EFR3B: variants seen among roughly 807,000 people sequenced by gnomAD.
EFR3B encodes EFR3 homolog B.
Under a neutral mutation model 104.7 loss-of-function variants are expected in EFR3B, and 64 were observed. The observed-to-expected ratio is 0.61, with a 90% CI of 0.50 to 0.75. The LOEUF is 0.75. EFR3B is among the 30% of genes least tolerant of loss of function. EFR3B has a pLI of 0.00. For missense variants in EFR3B, 750 were observed against 1,078.5 expected, an observed-to-expected ratio of 0.70 and a Z score of 4.27; for synonymous variants, 385 against 417.9, an observed-to-expected ratio of 0.92 and a Z score of 0.96.
chr2:25,074,157 T>C (rs7591273), intron 1 of EFR3B, among the ~76,000 whole-genome samples: 2,499 of 152,208 alleles, frequency 0.016, 66 homozygotes, highest in African/African-American at 0.057. Flanking sequence ...GGCTGGTTGG[T>C]CGCTCTAAGG....
Position 25,131,536 on chromosome 2 carries a change from G to A in EFR3B, c.985+33G>A, listed in dbSNP as rs893288801. The A allele has an allele frequency of 7.1e-6, 11 of 1,545,022 alleles. No individual in the cohort carries two copies. The highest frequency in any genetic ancestry group is 1.4e-5 in the African/African-American group (1 of 72,996). On this transcript the variant is annotated intron_variant, in intron 9 of 22. Transcript: ENST00000403714. This position sits in a 1 kb window ranked among gnomAD's most constrained non-coding sequence, Gnocchi z 7.6. ...GCATGGCTAGGGCCTGAGGGCCGGG[G>A]ACCCCGCGGAGGCTGCCGCCTCTTA...
Position 25,132,976 on chromosome 2 carries a change from G to A in EFR3B, c.1221G>A (p.Arg407=). 6.4e-7 allele frequency: 1 copy of A among 1,551,608 alleles called. No individual in the cohort carries two copies. The highest frequency in any genetic ancestry group is 8.7e-7 in the Non-Finnish European group (1 of 1,146,966). The change falls in exon 11 of 23, where the codon CGG becomes CGA. Residue 407 remains arginine (R), a synonymous_variant. Transcript: ENST00000403714. The part of the protein sequence containing the change: ...VILFIMSKVP[R]PSLHQAVDTG... ...TCTTCATCATGAGCAAGGTCCCGCG[G>A]CCATCCCTGCACCAGGCGGTGGACA...
At chr2:25,077,363 T>C (rs1668665124) in intron 1 of EFR3B, among the ~76,000 whole-genome samples, 1 of 152,184 alleles carries the variant, frequency 6.6e-6, no homozygotes, top group South Asian at 2.1e-4. Flanking sequence ...TCTCAGCTCA[T>C]TGCAACCTCT....
chr2:25,082,546 C>T (rs539113393), intron 1 of EFR3B, among the ~76,000 whole-genome samples: 5 of 152,338 alleles, frequency 3.3e-5, no homozygotes, highest in Admixed American at 6.5e-5. Flanking sequence ...CTTGCAAACA[C>T]CCAGAGATCT....
intron 19 of EFR3B, among the ~76,000 whole-genome samples, chr2:25,148,457 G>A (rs1171100823): frequency 2.6e-5 from 4 of 151,500 alleles, no homozygotes; most frequent in South Asian, 4.2e-4. Flanking sequence ...GTTTCACCAC[G>A]TTGACCAGGC....
chr2:25,154,390 A>T lies in EFR3B; in HGVS notation c.*50A>T. The T allele has an allele frequency of 1.4e-6, 2 of 1,474,864 alleles. No individual in the cohort carries two copies. Among genetic ancestry groups the T allele is most frequent in the Non-Finnish European group, 1.9e-6 (2 of 1,078,236 alleles). 91.4% of individuals were successfully genotyped at this position (1,474,864 alleles called of 1,614,324 possible). The stretch of plus-strand genomic sequence containing the variant: ...GGAGATGGGGTCTGAGGAGGGGCTC[A>T]CCTCACGCCCACCCCGACCACATGG... On this transcript the variant is annotated 3_prime_UTR_variant, in exon 23 of 23. Coordinates refer to ENST00000403714, the MANE Select transcript of EFR3B (RefSeq NM_014971.2). This position sits in a 1 kb window ranked among gnomAD's most constrained non-coding sequence, Gnocchi z 4.1.
chr2:25,095,565 A>G (rs1669252483), intron 3 of EFR3B, among the ~76,000 whole-genome samples: 2 of 152,068 alleles, frequency 1.3e-5, no homozygotes, highest in Admixed American at 6.6e-5. Flanking sequence ...GTGTGGGGGC[A>G]TGCACCTATA....
chr2:25,042,093 C>T lies in EFR3B; in HGVS notation c.-220C>T, dbSNP rs920976415. The T allele has an allele frequency of 3.2e-6, 1 of 316,956 alleles. No individual in the cohort carries two copies. The allele number at this position is 316,956 out of a possible 1,614,324, so 19.6% of individuals were successfully genotyped here. A position where few individuals can be genotyped will look rare whatever the true frequency, so the allele number is the denominator to read the frequency against. On this transcript the variant is annotated 5_prime_UTR_variant, in exon 1 of 23. Transcript: ENST00000403714. The surrounding 1 kb of genome is among the most constrained non-coding windows in gnomAD (Gnocchi z 5.4). ...CTGCGCGCAGCAGTGCCCAGCAACC[C>T]GAGCGGAGGCGGCCGCTGCAGCCCG...
chr2:25,069,071 C>G lies in EFR3B; in HGVS notation c.8-22254C>G, dbSNP rs538022920. Among the ~76,000 whole-genome samples, 133 of 151,410 alleles carry G rather than the reference C, an allele frequency of 8.8e-4. 1 individual carries two copies. Among genetic ancestry groups the G allele is most frequent in the African/African-American group, 3.1e-3 (127 of 41,198 alleles). ...GCCTCAGCCTCACCACCACACCCAG[C>G]TAATTTTTGTATTTTTAGTAGAGAT... On this transcript the variant is annotated intron_variant, in intron 1 of 22. Coordinates refer to ENST00000403714, the MANE Select transcript of EFR3B (RefSeq NM_014971.2).
At chr2:25,144,646 T>A (rs1670764769) in intron 18 of EFR3B, among the ~76,000 whole-genome samples, 1 of 152,230 alleles carries the variant, frequency 6.6e-6, no homozygotes, top group South Asian at 2.1e-4. Flanking sequence ...CATGAAGAGC[T>A]ACTGGTGCTC....
intron 4 of EFR3B, among the ~76,000 whole-genome samples, chr2:25,115,541 C>T (rs755102107): frequency 5.3e-5 from 8 of 152,152 alleles, no homozygotes; most frequent in African/African-American, 1.9e-4. Context: ...GAAAATGATG[C>T]GTCAATAGGT....
At chr2:25,147,580 G>A (rs959833842) in intron 19 of EFR3B, 10 of 152,202 alleles carry the variant, frequency 6.6e-5, no homozygotes, top group African/African-American at 2.4e-4. Flanking sequence ...ATGAGAGAGT[G>A]GAACACTGTC....
rs1268355478 is a variant in EFR3B at position 25,042,876 on chromosome 2, C to A, written c.7+557C>A. On this transcript the variant is annotated intron_variant, in intron 1 of 22. Transcript: ENST00000403714. The surrounding 1 kb of genome is among the most constrained non-coding windows in gnomAD (Gnocchi z 5.4). ...GCCCCGCGGGATCCAGGTTCACCAA[C>A]TTCCAGATTTTCCCTCCGCAGTGAT... 6.6e-6 allele frequency among the ~76,000 whole-genome samples: 1 copy of A among 152,278 alleles called. No individual in the cohort carries two copies. Among genetic ancestry groups the A allele is most frequent in the Non-Finnish European group, 1.5e-5 (1 of 68,026 alleles).
chr2:25,153,818 C>T, intron 22 of EFR3B, 57 bp downstream of exon 22: 1 of 1,520,096 alleles, frequency 6.6e-7, no homozygotes, highest in African/African-American at 1.4e-5. Flanking sequence ...ATTGGGGTTC[C>T]TCATCCTGAG....
In EFR3B at chr2:25,104,012, AT is replaced by A. The variant is rs546133356; in HGVS notation, c.363+230del. On this transcript the variant is annotated intron_variant, in intron 4 of 22. Transcript: ENST00000403714. The stretch of plus-strand genomic sequence containing the variant: ...ATTTATATAGATATATAATAAAATA[AT>A]TTTTAAAAATAAAATTCACCACTTT... Among the ~76,000 whole-genome samples the A allele has an allele frequency of 2.0e-5, 3 of 151,542 alleles. No homozygotes were observed. The South Asian group carries it at 6.2e-4, about 31-fold the overall frequency.
chr2:25,058,958 G>T (rs1299637418), intron 1 of EFR3B, among the ~76,000 whole-genome samples: 1 of 152,046 alleles, frequency 6.6e-6, no homozygotes, highest in Admixed American at 6.6e-5. Context: ...AAACCCCAAA[G>T]AAATGAATGC....
chr2:25,090,499 A>G (rs1172004187), intron 1 of EFR3B, among the ~76,000 whole-genome samples: 2 of 152,236 alleles, frequency 1.3e-5, no homozygotes, highest in Non-Finnish European at 2.9e-5. Context: ...CAGTCTTCTC[A>G]ATGGAGTAAA....
Position 25,103,837 on chromosome 2 carries a change from G to A in EFR3B, c.363+50G>A, listed in dbSNP as rs986818352. 4.5e-6 allele frequency: 7 copies of A among 1,547,040 alleles called. No homozygotes were observed. The East Asian group carries it at 9.8e-5, about 22-fold the overall frequency. Reference sequence around the variant, plus strand: ...AGGTCTCCCAGCCGCATCCTGGGGGGTGGCAGGGGAGAGGGAGACCTCGGG... The same window carrying A: ...AGGTCTCCCAGCCGCATCCTGGGGGATGGCAGGGGAGAGGGAGACCTCGGG... On this transcript the variant is annotated intron_variant, in intron 4 of 22. Transcript: ENST00000403714.
chr2:25,142,043 CA>C (rs1670681651), intron 17 of EFR3B, among the ~76,000 whole-genome samples: 1 of 152,138 alleles, frequency 6.6e-6, no homozygotes, highest in Non-Finnish European at 1.5e-5. Flanking sequence ...CTCACGCCTG[CA>C]GGCCCAGCGA....
Sources: gnomAD v4.1 joint callset for allele counts (sites outside exome capture counted in the v4.1 genomes callset) on GRCh38, gnomAD v4.1.1 for gene constraint, Gnocchi (gnomAD v3.1) non-coding constraint, MANE v1.5 for transcripts, NCBI Gene and HGNC (gene_info 2026-07-23, HGNC 2026-07-21) for gene names.